AGBL4: variants seen among roughly 807,000 people sequenced by gnomAD.
AGBL4 encodes cytosolic carboxypeptidase 6.
AGBL4 carries 58 observed loss-of-function variants against 66.4 expected under a neutral mutation model. That is an observed-to-expected ratio of 0.87 (90% CI 0.71 to 1.09). AGBL4 has a LOEUF of 1.09. AGBL4 is among the 50% of genes least tolerant of loss of function. The pLI, the probability that AGBL4 is intolerant of heterozygous loss-of-function variation, is 0.00. For synonymous variants in AGBL4, 234 were observed against 222.9 expected (o/e 1.05, Z -0.44); for missense variants, 579 against 631.0 (o/e 0.92, Z 0.88).
rs201825365 is a variant in AGBL4 at position 48,890,912 on chromosome 1, T to A, written c.595-23682A>T. On this transcript the variant is annotated intron_variant, in intron 5 of 13. Transcript: ENST00000371839. ...GGTGAGAACTGATCGGAACCAATAA[T>A]CAATAATCAGAGAGACAGAGATACT... is the stretch of plus-strand genomic sequence containing the variant. 2.0e-5 allele frequency among the ~76,000 whole-genome samples: 3 copies of A among 152,100 alleles called. No individual in the cohort carries two copies. The East Asian group carries it at 5.8e-4, about 29-fold the overall frequency.
intron 3 of AGBL4, among the ~76,000 whole-genome samples, chr1:49,672,483 A>C (rs1646497259): frequency 6.6e-6 from 1 of 152,114 alleles, no homozygotes; most frequent in African/African-American, 2.4e-5. Flanking sequence ...ATATACCTCC[A>C]AACCTAAAAC....
intron 3 of AGBL4, among the ~76,000 whole-genome samples, chr1:49,385,257 G>C (rs1220290228): frequency 1.3e-5 from 2 of 152,128 alleles, no homozygotes; most frequent in Non-Finnish European, 2.9e-5. Flanking sequence ...CTACTGTATA[G>C]TATACCTACA....
chr1:50,019,921 A>G (rs1351400729), intron 1 of AGBL4, among the ~76,000 whole-genome samples: 2 of 152,026 alleles, frequency 1.3e-5, no homozygotes, highest in African/African-American at 4.8e-5. Flanking sequence ...TTGTGTCCCC[A>G]TTTTAAAGCA....
At chr1:48,825,360 G>A (rs1316883718) in intron 6 of AGBL4, among the ~76,000 whole-genome samples, 1 of 152,118 alleles carries the variant, frequency 6.6e-6, no homozygotes, top group African/African-American at 2.4e-5. Context: ...GAGGTCTTAA[G>A]GGTCAATTTA....
At chr1:49,276,860 C>T (rs1644178147) in intron 3 of AGBL4, among the ~76,000 whole-genome samples, 2 of 152,208 alleles carry the variant, frequency 1.3e-5, no homozygotes, top group South Asian at 4.1e-4. Context: ...TGATTTTTCC[C>T]CATGTGCACA....
chr1:49,162,037 C>T (rs1432977486), intron 4 of AGBL4, among the ~76,000 whole-genome samples: 1 of 152,128 alleles, frequency 6.6e-6, no homozygotes, highest in Non-Finnish European at 1.5e-5. Flanking sequence ...CTTATTTAAT[C>T]TCACTTTTCT....
At chr1:48,583,718 A>C (rs1644773106) in intron 11 of AGBL4, among the ~76,000 whole-genome samples, 1 of 152,122 alleles carries the variant, frequency 6.6e-6, no homozygotes, top group African/African-American at 2.4e-5. Flanking sequence ...CCTAGTCTAG[A>C]GGACATTTTC....
At chr1:49,121,437 T>C (rs1645651833) in intron 4 of AGBL4, among the ~76,000 whole-genome samples, 1 of 152,186 alleles carries the variant, frequency 6.6e-6, no homozygotes, top group African/African-American at 2.4e-5. Flanking sequence ...TCCTTTCCTT[T>C]GTCAGTTTTC....
intron 5 of AGBL4, among the ~76,000 whole-genome samples, chr1:48,998,823 A>C (rs1661194955): frequency 1.3e-5 from 2 of 152,194 alleles, no homozygotes; most frequent in African/African-American, 4.8e-5. Flanking sequence ...GGTTTCCTTG[A>C]CTATTATTAA....
intron 3 of AGBL4, among the ~76,000 whole-genome samples, chr1:49,381,364 G>T (rs1644604770): frequency 6.6e-6 from 1 of 152,220 alleles, no homozygotes; most frequent in African/African-American, 2.4e-5. Flanking sequence ...TGGAGAGGAT[G>T]TGGAGAAATA....
intron 2 of AGBL4, among the ~76,000 whole-genome samples, chr1:49,719,522 A>G (rs999202526): frequency 2.6e-5 from 4 of 152,100 alleles, no homozygotes; most frequent in African/African-American, 9.7e-5. Flanking sequence ...CATTTGCTTG[A>G]TCAAAAGACT....
At chr1:48,525,041 C>T in the AGBL4 span, among the ~76,000 whole-genome samples, 4 of 152,194 alleles carry the variant, frequency 2.6e-5, no homozygotes, top group Admixed American at 6.5e-5. Context: ...TTGGAGCAGG[C>T]ATCCTCAGTC....
At chr1:49,118,157 T>G (rs1645570490) in intron 4 of AGBL4, among the ~76,000 whole-genome samples, 1 of 152,224 alleles carries the variant, frequency 6.6e-6, no homozygotes. Flanking sequence ...TCATGTCATC[T>G]GCAAACAGGG....
intron 1 of AGBL4, among the ~76,000 whole-genome samples, chr1:49,938,021 C>CA (rs922311599): frequency 7.4e-5 from 11 of 148,304 alleles, no homozygotes; most frequent in South Asian, 4.3e-4. Context: ...AAAATAGAGA[C>CA]AAAAAAAGCC....
At chr1:49,106,804 A>G (rs1375940509) in intron 4 of AGBL4, among the ~76,000 whole-genome samples, 2 of 152,164 alleles carry the variant, frequency 1.3e-5, no homozygotes, top group Admixed American at 6.5e-5. Flanking sequence ...AGACCTTAAT[A>G]TCCTTCCAAT....
chr1:49,867,915 GAC>G (rs1489888984), intron 1 of AGBL4, among the ~76,000 whole-genome samples: 2 of 152,128 alleles, frequency 1.3e-5, no homozygotes, highest in African/African-American at 4.8e-5. Context: ...CCAATTAAAA[GAC>G]ACAGAATGGC....
intron 5 of AGBL4, among the ~76,000 whole-genome samples, chr1:48,903,081 G>A (rs769754233): frequency 3.0e-4 from 45 of 152,184 alleles, no homozygotes; most frequent in East Asian, 3.9e-4. Flanking sequence ...AATGTCATCC[G>A]GTGCTCAAGG....
intron 1 of AGBL4, among the ~76,000 whole-genome samples, chr1:49,908,020 C>T (rs11205659): frequency 0.19 from 28,347 of 151,880 alleles, 3,262 homozygotes; most frequent in East Asian, 0.42. Context: ...AATTAAGTAA[C>T]TTGTCATACG....
chr1:49,895,634 ACTATTAAG>A (rs1167483292), intron 1 of AGBL4, among the ~76,000 whole-genome samples: 1 of 152,092 alleles, frequency 6.6e-6, no homozygotes, highest in African/African-American at 2.4e-5. Context: ...TTATGCAAGC[ACTATTAAG>A]TTGTCATCAG....
Sources: allele counts gnomAD v4.1 joint callset (sites outside exome capture counted in the v4.1 genomes callset), GRCh38; gene constraint gnomAD v4.1.1; transcripts MANE v1.5; gene names NCBI Gene and HGNC (gene_info 2026-07-23, HGNC 2026-07-21).